Variants in LRRC40 observed in about 807,000 individuals in gnomAD.
LRRC40 encodes leucine rich repeat containing 40, also known as leucine-rich repeat-containing protein 40.
Under a neutral mutation model 72.8 loss-of-function variants are expected in LRRC40, and 76 were observed. The observed-to-expected ratio is 1.04, with a 90% CI of 0.87 to 1.26. The LOEUF (loss-of-function observed/expected upper bound fraction) is 1.26. Ranked by LOEUF, LRRC40 falls within the 50% of genes most tolerant of loss-of-function variation. LRRC40 has a pLI of 0.00. For synonymous variants in LRRC40, 243 were observed against 254.2 expected (o/e 0.96, Z 0.42); for missense variants, 684 against 698.9 (o/e 0.98, Z 0.24).
chr1:70,179,396 A>C (rs1668192625), intron 5 of LRRC40, among the ~76,000 whole-genome samples: 1 of 152,170 alleles, frequency 6.6e-6, no homozygotes, highest in Non-Finnish European at 1.5e-5. Flanking sequence ...TTGAGGCAGG[A>C]AGAATGCTTG....
chr1:70,157,122 A>T (rs553887599), intron 10 of LRRC40, among the ~76,000 whole-genome samples: 20 of 152,210 alleles, frequency 1.3e-4, no homozygotes, highest in Non-Finnish European at 2.2e-4. Flanking sequence ...ATTACATATA[A>T]TGTATAATAT....
intron 9 of LRRC40, among the ~76,000 whole-genome samples, chr1:70,163,366 C>A (rs1446081704): frequency 1.3e-5 from 2 of 152,108 alleles, no homozygotes; most frequent in East Asian, 3.8e-4. Flanking sequence ...GGATTACAGT[C>A]GTAAGCCACC....
At chr1:70,202,836 T>C (rs1213281970) in intron 1 of LRRC40, among the ~76,000 whole-genome samples, 1 of 152,204 alleles carries the variant, frequency 6.6e-6, no homozygotes, top group Non-Finnish European at 1.5e-5. Context: ...ATTAAAAAAG[T>C]TCGTTAAAAA....
intron 5 of LRRC40, 76 bp downstream of exon 5, chr1:70,181,010 A>G: frequency 9.2e-7 from 1 of 1,091,766 alleles, no homozygotes; most frequent in Non-Finnish European, 1.3e-6. Flanking sequence ...CTCTGTAACT[A>G]TATTAAAAAT....
At chr1:70,189,297 G>GT in intron 1 of LRRC40, 24 bp from the exon 2 acceptor site, 58 of 770,404 alleles carry the variant, frequency 7.5e-5, no homozygotes, top group Non-Finnish European at 8.9e-5. Context: ...CACCACACCA[G>GT]GAAAAAAAAA....
At chr1:70,176,503 G>A (rs2100295015) in intron 6 of LRRC40, among the ~76,000 whole-genome samples, 2 of 131,644 alleles carry the variant, frequency 1.5e-5, no homozygotes, top group South Asian at 4.9e-4. Flanking sequence ...TTGCACTCTA[G>A]CCTGGATGAC....
In LRRC40 at chr1:70,152,543, C is replaced by A. The variant is rs1346885549; in HGVS notation, c.1329G>T (p.Arg443Ser). The change falls in exon 12 of 15, where the codon AGG becomes AGT. Residue 443 changes from arginine to serine, a missense_variant and splice_region_variant. Physicochemically the swap from Arg to Ser is moderately radical, Grantham distance 110 (BLOSUM62 -1). Coordinates refer to ENST00000370952, the MANE Select transcript of LRRC40 (RefSeq NM_017768.5). Reference protein sequence around the residue: ...SKNQLCEIPKRMVELKEMVSD... With the variant: ...SKNQLCEIPKSMVELKEMVSD... Reference sequence around the variant, plus strand: ...AAACCATTTCCTTCAGTTCTACCATCCTGAAACAAAAATAATTTTAAAATG... The same window carrying A: ...AAACCATTTCCTTCAGTTCTACCATACTGAAACAAAAATAATTTTAAAATG... The A allele has an allele frequency of 1.3e-6, 2 of 1,507,154 alleles. No homozygotes were observed. Among genetic ancestry groups the A allele is most frequent in the Admixed American group, 1.7e-5 (1 of 58,138 alleles). 93.4% of individuals were successfully genotyped at this position (1,507,154 alleles called of 1,614,324 possible). A position where few individuals can be genotyped will look rare whatever the true frequency, so the allele number is the denominator to read the frequency against.
chr1:70,145,057 A>ATG lies in LRRC40; in HGVS notation c.*742_*743insCA, dbSNP rs1667250732. The ATG allele has an allele frequency of 6.6e-6, 1 of 152,066 alleles. No homozygotes were observed. 9.4% of individuals were successfully genotyped at this position (152,066 alleles called of 1,614,324 possible). A position where few individuals can be genotyped will look rare whatever the true frequency, so the allele number is the denominator to read the frequency against. On this transcript the variant is annotated 3_prime_UTR_variant, in exon 15 of 15. Transcript: ENST00000370952. ...AATTTTTATTAAATCAAGTTTACCTATCAAATTCCCTTTTAGAAAAACACT... is the reference window on the plus strand; with the variant it reads ...AATTTTTATTAAATCAAGTTTACCTATGTCAAATTCCCTTTTAGAAAAACACT...
chr1:70,171,488 T>C (rs978528294), intron 9 of LRRC40, among the ~76,000 whole-genome samples: 4 of 151,876 alleles, frequency 2.6e-5, no homozygotes, highest in African/African-American at 9.7e-5. Flanking sequence ...CACTTACAGC[T>C]CAATGATTTA....
chr1:70,201,246 AGAT>A (rs1416879086), intron 1 of LRRC40, among the ~76,000 whole-genome samples: 6 of 152,212 alleles, frequency 3.9e-5, no homozygotes, highest in Non-Finnish European at 5.9e-5. Context: ...TAAAAACAAA[AGAT>A]AATAACACTT....
chr1:70,197,729 G>A (rs1194390791), intron 1 of LRRC40, among the ~76,000 whole-genome samples: 1 of 151,798 alleles, frequency 6.6e-6, no homozygotes, highest in East Asian at 1.9e-4. Context: ...GATATGGGTG[G>A]ATAAAGAGAC....
intron 12 of LRRC40, 23 bp from the exon 13 acceptor site, chr1:70,151,228 A>C (rs762809758): frequency 1.7e-6 from 2 of 1,179,148 alleles, no homozygotes. Context: ...TCAAAACAGA[A>C]GATTTACAAA....
chr1:70,148,855 T>C (rs1261117774), intron 13 of LRRC40, among the ~76,000 whole-genome samples, 183 bp from the exon 14 acceptor site: 6 of 152,180 alleles, frequency 3.9e-5, no homozygotes, highest in African/African-American at 1.4e-4. Context: ...TTTGAAAACC[T>C]TGAAATACAT....
intron 9 of LRRC40, among the ~76,000 whole-genome samples, chr1:70,170,943 T>G (rs1427554971): frequency 1.3e-5 from 2 of 152,112 alleles, no homozygotes; most frequent in East Asian, 1.9e-4. Flanking sequence ...TCTTCCTGAT[T>G]TGATTTCAAA....
chr1:70,154,230 T>C (rs1216079694), intron 11 of LRRC40, among the ~76,000 whole-genome samples: 2 of 152,160 alleles, frequency 1.3e-5, no homozygotes, highest in Admixed American at 1.3e-4. Flanking sequence ...GAGAAAAGCA[T>C]GGCTTTTTTA....
chr1:70,175,934 G>C lies in LRRC40; in HGVS notation c.853C>G (p.Leu285Val). Residue 285 changes from leucine to valine, a missense_variant, in exon 7 of 15, where the codon CTT becomes GTT. Transcript: ENST00000370952. ...NQIEMLEAEH[L>V]KHLNSILVLD... ...ACAAGAATTGAATTCAGATGTTTAA[G>C]ATGTTCTGCCTCTAACATTTCAATC... The C allele has an allele frequency of 6.3e-7, 1 of 1,596,010 alleles. No individual in the cohort carries two copies. Among genetic ancestry groups the C allele is most frequent in the Non-Finnish European group, 8.5e-7 (1 of 1,174,548 alleles).
chr1:70,191,240 T>A (rs1668493748), intron 1 of LRRC40, among the ~76,000 whole-genome samples: 1 of 152,118 alleles, frequency 6.6e-6, no homozygotes, highest in South Asian at 2.1e-4. Flanking sequence ...AAAAGCTATG[T>A]GAGATGCACC....
chr1:70,148,422 AAAAAC>A (rs57262672), intron 14 of LRRC40, 60 bp downstream of exon 14: 122,553 of 1,312,732 alleles, frequency 0.093, 7,155 homozygotes, highest in East Asian at 0.3. Flanking sequence ...TCTGAAAAAG[AAAAAC>A]AAATCACTTC....
chr1:70,198,557 C>T (rs1668665248), intron 1 of LRRC40, among the ~76,000 whole-genome samples: 1 of 152,184 alleles, frequency 6.6e-6, no homozygotes, highest in South Asian at 2.1e-4. Flanking sequence ...TCTCATGTTG[C>T]TGCTCATAAA....
Sources: allele counts gnomAD v4.1 joint callset (sites outside exome capture counted in the v4.1 genomes callset), GRCh38; gene constraint gnomAD v4.1.1; transcripts MANE v1.5; gene names NCBI Gene and HGNC (gene_info 2026-07-23, HGNC 2026-07-21).